PCDHGA5: variants seen among roughly 807,000 people sequenced by gnomAD.
The protein encoded by PCDHGA5 is protocadherin gamma-A5.
Under a neutral mutation model 56.7 loss-of-function variants are expected in PCDHGA5, and 36 were observed. That is an observed-to-expected ratio of 0.64 (90% CI 0.49 to 0.84). The LOEUF (loss-of-function observed/expected upper bound fraction) is 0.84. Ranked by LOEUF, PCDHGA5 falls within the 40% of genes least tolerant of loss-of-function variation. The probability of loss-of-function intolerance (pLI) is 0.00; values close to 1 mark genes in which losing one functional copy is unlikely to be tolerated. For synonymous variants in PCDHGA5, 563 were observed against 520.2 expected, an observed-to-expected ratio of 1.08 and a Z score of -1.12; for missense variants, 1,305 against 1,201.5, an observed-to-expected ratio of 1.09 and a Z score of -1.27.
chr5:141,410,109 ACG>A, intron 1 of PCDHGA5: 1 of 1,612,496 alleles, frequency 6.2e-7, no homozygotes, highest in Non-Finnish European at 8.5e-7. Flanking sequence ...GGCGACAGGG[ACG>A]CAGCCCGCCA....
chr5:141,495,424 A>G (rs927637242), intron 2 of PCDHGA5, among the ~76,000 whole-genome samples: 2 of 152,088 alleles, frequency 1.3e-5, no homozygotes, highest in Non-Finnish European at 2.9e-5. Flanking sequence ...CCCTCCTCCC[A>G]CTGTCCTCTG....
chr5:141,419,123 A>G (rs2096330317), intron 1 of PCDHGA5: 1 of 1,613,766 alleles, frequency 6.2e-7, no homozygotes, highest in African/African-American at 1.3e-5. Context: ...CAACGTCACC[A>G]TCGCAGCCAC....
chr5:141,424,556 G>C (rs2096828013), intron 1 of PCDHGA5: 1 of 152,128 alleles, frequency 6.6e-6, no homozygotes, highest in South Asian at 2.1e-4. Context: ...TTGATTCAGT[G>C]CTTCTCAAAA....
intron 3 of PCDHGA5, among the ~76,000 whole-genome samples, chr5:141,509,962 C>A (rs1186902807): frequency 2.0e-5 from 3 of 152,206 alleles, no homozygotes. Context: ...CGGGTATGGC[C>A]TTGGTCCTTC....
intron 1 of PCDHGA5, chr5:141,421,360 T>G (rs549572548): frequency 6.2e-7 from 1 of 1,613,980 alleles, no homozygotes; most frequent in African/African-American, 1.3e-5. Context: ...AAAGGGCTCC[T>G]TCGTGGGCAA....
chr5:141,502,179 A>G (rs1403845758), intron 2 of PCDHGA5, among the ~76,000 whole-genome samples: 2 of 152,218 alleles, frequency 1.3e-5, no homozygotes, highest in Non-Finnish European at 2.9e-5. Context: ...GGAATTTAAC[A>G]TTAATACAAT....
In PCDHGA5 at chr5:141,450,032, G is replaced by A. The variant is rs146567243; in HGVS notation, c.2422-44775G>A. Among the ~76,000 whole-genome samples the A allele has an allele frequency of 4.6e-3, 607 of 131,666 alleles. 4 individuals are homozygous for A. The highest frequency in any genetic ancestry group is 0.017 in the African/African-American group (550 of 33,158). The allele number at this position is 131,666 out of a possible 152,430, so 86.4% of individuals were successfully genotyped here. A position where few individuals can be genotyped will look rare whatever the true frequency, so the allele number is the denominator to read the frequency against. On this transcript the variant is annotated intron_variant, in intron 1 of 3. Transcript: ENST00000518069. ...TTTTTTTTTTTTTTTTTTGAGACAG[G>A]GTCTCACTCTTTCGCCCAGGCTGGA... is the stretch of plus-strand genomic sequence containing the variant.
rs1252377833 is a variant in PCDHGA5, at chr5:141,485,012, G to T, written c.2422-9795G>T. On this transcript the variant is annotated intron_variant, in intron 1 of 3. Coordinates refer to ENST00000518069, the MANE Select transcript of PCDHGA5 (RefSeq NM_018918.3). The surrounding 1 kb of genome is among the most constrained non-coding windows in gnomAD (Gnocchi z 5.7). Reference sequence around the variant, plus strand: ...GGTGAAAGGCAGACAAATCTACCCCGCCACCAGCAAAAACGGCGCGTAACC... The same window carrying T: ...GGTGAAAGGCAGACAAATCTACCCCTCCACCAGCAAAAACGGCGCGTAACC... The T allele has an allele frequency of 1.3e-5, 8 of 630,528 alleles. No individual in the cohort carries two copies. In the Admixed American group the frequency reaches 1.5e-4, roughly 12 times the overall value. 39.1% of individuals were successfully genotyped at this position (630,528 alleles called of 1,614,324 possible).
In PCDHGA5 at chr5:141,414,479, C is replaced by G. The variant is rs752879517; in HGVS notation, c.2421+47728C>G. The G allele has an allele frequency of 3.1e-6, 5 of 1,613,906 alleles. No homozygotes were observed. The highest frequency in any genetic ancestry group is 1.3e-5 in the African/African-American group (1 of 75,040). Reference sequence around the variant, plus strand: ...ACAGCCACAGATGGGGGAAGTCCTCCTCTATCAACGGAAGCTCACTTTATG... The same window carrying G: ...ACAGCCACAGATGGGGGAAGTCCTCGTCTATCAACGGAAGCTCACTTTATG... On this transcript the variant is annotated intron_variant, in intron 1 of 3. Coordinates refer to ENST00000518069, the MANE Select transcript of PCDHGA5 (RefSeq NM_018918.3).
Position 141,365,739 on chromosome 5 carries a change from C to G in PCDHGA5, c.1409C>G (p.Ser470Cys), listed in dbSNP as rs368437640. The G allele has an allele frequency of 6.2e-7, 1 of 1,613,674 alleles. No individual in the cohort carries two copies. The highest frequency in any genetic ancestry group is 1.3e-5 in the African/African-American group (1 of 74,912). ...ACAGAAAACAATCCCAGAGGTGTCT[C>G]TATCTTCTCTGTGACAGCCCATGAC... ...SVTENNPRGVSIFSVTAHDPD... is the reference protein window; with the variant it reads ...SVTENNPRGVCIFSVTAHDPD... Residue 470 changes from serine to cysteine, a missense_variant, in exon 1 of 4, where the codon TCT (serine) becomes TGT (cysteine). Transcript: ENST00000518069.
intron 2 of PCDHGA5, among the ~76,000 whole-genome samples, chr5:141,496,104 G>A (rs950960102): frequency 6.8e-6 from 1 of 146,980 alleles, no homozygotes; most frequent in African/African-American, 2.5e-5. Context: ...CCAACACCCC[G>A]CTCTCTTCCT....
chr5:141,446,289 G>T (rs1333286399), intron 1 of PCDHGA5, among the ~76,000 whole-genome samples: 1 of 152,112 alleles, frequency 6.6e-6, no homozygotes, highest in Non-Finnish European at 1.5e-5. Flanking sequence ...GATAAATGGG[G>T]AGCAGGGATT....
intron 1 of PCDHGA5, chr5:141,394,467 G>C (rs558211393): frequency 3.1e-6 from 5 of 1,614,120 alleles, no homozygotes; most frequent in African/African-American, 1.3e-5. Context: ...GAGCCTGTTC[G>C]TGCTGGACCA....
chr5:141,428,181 A>G, intron 1 of PCDHGA5: 2 of 1,486,230 alleles, frequency 1.3e-6, no homozygotes, highest in Non-Finnish European at 1.8e-6. Flanking sequence ...GACGGAGGAC[A>G]GCCGCCGCTC....
chr5:141,422,883 C>A, intron 1 of PCDHGA5: 1 of 1,614,242 alleles, frequency 6.2e-7, no homozygotes, highest in Non-Finnish European at 8.5e-7. Flanking sequence ...TGAGCCTGTT[C>A]GTGCTGGACC....
At chr5:141,375,535 C>A (rs548065153) in intron 1 of PCDHGA5, 105 of 1,613,900 alleles carry the variant, frequency 6.5e-5, no homozygotes, top group Non-Finnish European at 8.3e-5. Context: ...TGGACCAGAA[C>A]GCCCAAGTCT....
chr5:141,410,202 A>G (rs766392835), intron 1 of PCDHGA5: 2 of 1,614,018 alleles, frequency 1.2e-6, no homozygotes, highest in Non-Finnish European at 1.7e-6. Flanking sequence ...TTCGCAGACA[A>G]CTTGCAAGAG....
At chr5:141,450,786 C>A (rs1468388706) in intron 1 of PCDHGA5, among the ~76,000 whole-genome samples, 1 of 151,020 alleles carries the variant, frequency 6.6e-6, no homozygotes, top group Admixed American at 6.6e-5. Flanking sequence ...CGTGCCCGGA[C>A]CTCATGATTG....
intron 1 of PCDHGA5, chr5:141,407,994 C>T (rs1449634415): frequency 1.0e-5 from 9 of 858,436 alleles, no homozygotes; most frequent in African/African-American, 1.7e-5. Flanking sequence ...CAGCCTCTGG[C>T]CTGGGATTCC....
Sources: allele counts gnomAD v4.1 joint callset (sites outside exome capture counted in the v4.1 genomes callset), GRCh38; gene constraint gnomAD v4.1.1; non-coding constraint Gnocchi (gnomAD v3.1); transcripts MANE v1.5; gene names NCBI Gene and HGNC (gene_info 2026-07-23, HGNC 2026-07-21).